RBMS3: variants seen among roughly 807,000 people sequenced by gnomAD.
RBMS3 encodes the protein RNA binding motif single stranded interacting protein 3, also known as RNA-binding motif, single-stranded-interacting protein 3.
Under a neutral mutation model 66.8 loss-of-function variants are expected in RBMS3, and 27 were observed. The ratio of observed to expected loss-of-function variants is 0.40; its 90% confidence interval spans 0.30 to 0.56. The LOEUF is 0.56. Among genes scored for constraint, RBMS3 ranks in the 20% least tolerant of loss-of-function variants. The pLI is 0.40. For synonymous variants in RBMS3, 188 were observed against 183.0 expected, an observed-to-expected ratio of 1.03 and a Z score of -0.22; for missense variants, 513 against 549.5, an observed-to-expected ratio of 0.93 and a Z score of 0.66.
intron 5 of RBMS3, among the ~76,000 whole-genome samples, chr3:29,745,028 A>G (rs1201758785): frequency 6.6e-6 from 1 of 152,110 alleles, no homozygotes; most frequent in Non-Finnish European, 1.5e-5. Context: ...CCCCGCCTCA[A>G]TTATTATTTT....
chr3:29,968,153 T>C (rs1206141662), intron 12 of RBMS3, among the ~76,000 whole-genome samples: 2 of 152,146 alleles, frequency 1.3e-5, no homozygotes, highest in African/African-American at 4.8e-5. Flanking sequence ...CCAGAGGTTT[T>C]GATATCCCAG....
At chr3:29,734,182 G>A (rs1245858355) in intron 4 of RBMS3, among the ~76,000 whole-genome samples, 3 of 151,996 alleles carry the variant, frequency 2.0e-5, no homozygotes, top group Non-Finnish European at 4.4e-5. Flanking sequence ...TCATATGCAG[G>A]AGCTAAAAAA....
intron 3 of RBMS3, among the ~76,000 whole-genome samples, chr3:29,500,332 C>T (rs894568342): frequency 4.0e-5 from 6 of 150,440 alleles, no homozygotes; most frequent in Admixed American, 3.3e-4. Context: ...CAAAGATTCC[C>T]GTATAGAAAA....
At chr3:29,337,035 A>G (rs2035996446) in intron 1 of RBMS3, among the ~76,000 whole-genome samples, 1 of 152,168 alleles carries the variant, frequency 6.6e-6, no homozygotes, top group South Asian at 2.1e-4. Flanking sequence ...CATGCTTAAA[A>G]TTCTAAAATT....
chr3:29,987,183 A>G (rs1698446161), intron 12 of RBMS3, among the ~76,000 whole-genome samples: 2 of 152,208 alleles, frequency 1.3e-5, no homozygotes, highest in African/African-American at 4.8e-5. Flanking sequence ...TTATGAATTG[A>G]GAAAACTTGT....
At chr3:29,413,284 C>T (rs7620999) in intron 1 of RBMS3, among the ~76,000 whole-genome samples, 317 of 152,160 alleles carry the variant, frequency 2.1e-3, no homozygotes, top group Non-Finnish European at 3.5e-3. Context: ...GCAGGAGAAT[C>T]GCTTGAAACC....
intron 1 of RBMS3, among the ~76,000 whole-genome samples, chr3:29,364,047 C>A (rs549806937): frequency 1.3e-5 from 2 of 151,898 alleles, no homozygotes; most frequent in Non-Finnish European, 2.9e-5. Context: ...AATATTTCTA[C>A]TTCTAGGAAG....
chr3:29,525,046 G>A (rs1010196311), intron 3 of RBMS3, among the ~76,000 whole-genome samples: 2 of 152,004 alleles, frequency 1.3e-5, no homozygotes, highest in Admixed American at 6.6e-5. Context: ...GGAGTAAGAC[G>A]TTGTCTCTAA....
At chr3:29,364,937 G>C (rs1489326394) in intron 1 of RBMS3, among the ~76,000 whole-genome samples, 1 of 152,076 alleles carries the variant, frequency 6.6e-6, no homozygotes, top group Non-Finnish European at 1.5e-5. Flanking sequence ...TGTGGAGTTT[G>C]GTTTGAAATA....
At chr3:29,570,652 G>A (rs1191967231) in intron 3 of RBMS3, among the ~76,000 whole-genome samples, 1 of 152,104 alleles carries the variant, frequency 6.6e-6, no homozygotes, top group African/African-American at 2.4e-5. Context: ...CAAATGACAG[G>A]ATCTCATTCT....
At chr3:29,989,546 G>A (rs1182810529) in intron 13 of RBMS3, among the ~76,000 whole-genome samples, 1 of 152,160 alleles carries the variant, frequency 6.6e-6, no homozygotes, top group Non-Finnish European at 1.5e-5. Flanking sequence ...CAATCTCTGA[G>A]ATTGAGGGAA....
At chr3:29,340,696 C>A (rs1481851062) in intron 1 of RBMS3, among the ~76,000 whole-genome samples, 1 of 152,046 alleles carries the variant, frequency 6.6e-6, no homozygotes. Flanking sequence ...TGTAAAATCC[C>A]CTAAAACCAA....
intron 3 of RBMS3, among the ~76,000 whole-genome samples, chr3:29,499,908 G>T (rs1405118646): frequency 1.3e-5 from 2 of 152,144 alleles, no homozygotes; most frequent in Non-Finnish European, 2.9e-5. Flanking sequence ...TTGGGCTTAA[G>T]GGTAGTGTGA....
chr3:29,895,499 A>T (rs1051019592), intron 8 of RBMS3, among the ~76,000 whole-genome samples: 3 of 151,512 alleles, frequency 2.0e-5, no homozygotes, highest in African/African-American at 7.3e-5. Context: ...TATATAGTAC[A>T]TACCCTTTTG....
chr3:29,351,902 A>G (rs2036937197), intron 1 of RBMS3, among the ~76,000 whole-genome samples: 1 of 152,030 alleles, frequency 6.6e-6, no homozygotes, highest in Non-Finnish European at 1.5e-5. Context: ...CATACATTGC[A>G]TACACACACA....
intron 1 of RBMS3, among the ~76,000 whole-genome samples, chr3:29,418,099 T>C (rs939160179): frequency 1.3e-5 from 2 of 152,168 alleles, no homozygotes; most frequent in Non-Finnish European, 2.9e-5. Flanking sequence ...AGATATTGAT[T>C]GGTCACTAAA....
At chr3:29,522,886 A>G (rs1258215766) in intron 3 of RBMS3, among the ~76,000 whole-genome samples, 1 of 152,146 alleles carries the variant, frequency 6.6e-6, no homozygotes, top group African/African-American at 2.4e-5. Context: ...TGTCATTTAG[A>G]GGTCCTCTGA....
intron 3 of RBMS3, among the ~76,000 whole-genome samples, chr3:29,543,826 G>T (rs1310657603): frequency 6.6e-6 from 1 of 152,040 alleles, no homozygotes; most frequent in Non-Finnish European, 1.5e-5. Context: ...GAACTATAAG[G>T]TACATCGTTT....
At chr3:29,659,109 G>C (rs866798812) in intron 4 of RBMS3, among the ~76,000 whole-genome samples, 1 of 152,152 alleles carries the variant, frequency 6.6e-6, no homozygotes, top group Admixed American at 6.5e-5. Context: ...GAGCCACAGC[G>C]CCCAGCCTTT....
Sources: allele counts gnomAD v4.1 joint callset (sites outside exome capture counted in the v4.1 genomes callset), GRCh38; gene constraint gnomAD v4.1.1; transcripts MANE v1.5; gene names NCBI Gene and HGNC (gene_info 2026-07-23, HGNC 2026-07-21).